The following THAP9 variants were observed in gnomAD, a reference collection of about 807,000 sequenced individuals.
THAP9 encodes DNA transposase THAP9.
In THAP9, 20 loss-of-function variants were observed where a neutral mutation model predicts 35.7. The ratio of observed to expected loss-of-function variants is 0.56; its 90% confidence interval spans 0.39 to 0.81. THAP9 has a LOEUF of 0.81. THAP9 is among the 40% of genes least tolerant of loss of function. THAP9 has a pLI of 0.00. For missense variants in THAP9, 870 were observed against 1,047.4 expected, an observed-to-expected ratio of 0.83 and a Z score of 2.34; for synonymous variants, 335 against 373.7, an observed-to-expected ratio of 0.90 and a Z score of 1.19.
chr4:82,915,732 T>C (rs1370393223), intron 4 of THAP9, among the ~76,000 whole-genome samples: 4 of 152,200 alleles, frequency 2.6e-5, no homozygotes, highest in South Asian at 2.1e-4. Flanking sequence ...AAAATCCATG[T>C]ATATACAAGT....
At chr4:82,916,675 G>A (rs1721042715) in intron 4 of THAP9, among the ~76,000 whole-genome samples, 1 of 152,174 alleles carries the variant, frequency 6.6e-6, no homozygotes, top group African/African-American at 2.4e-5. Flanking sequence ...AGAACAAACT[G>A]GTTAGTTGGT....
Position 82,906,517 on chromosome 4 carries a change from A to G in THAP9, c.470A>G (p.Lys157Arg), listed in dbSNP as rs776516625. The change falls in exon 3 of 5, where the codon AAG becomes AGG. Residue 157 changes from lysine (K) to arginine (R), a missense_variant. Around this residue, in one of 3 missense-constraint regions of THAP9, gnomAD observed 440 missense variants for 501.2 expected, o/e 0.88. Coordinates refer to ENST00000302236, the MANE Select transcript of THAP9 (RefSeq NM_024672.6). Reference sequence around the variant, plus strand: ...TCCAAAAAAAGACTTATCTCCGTAAAGAACTACAGGATGATCAAGAAGAGA... The same window carrying G: ...TCCAAAAAAAGACTTATCTCCGTAAGGAACTACAGGATGATCAAGAAGAGA... ...QVSKKRLISV[K>R]NYRMIKKRKG... The G allele has an allele frequency of 4.3e-6, 7 of 1,613,882 alleles. No homozygotes were observed. The highest frequency in any genetic ancestry group is 5.9e-6 in the Non-Finnish European group (7 of 1,179,806).
intron 1 of THAP9, among the ~76,000 whole-genome samples, chr4:82,902,771 T>C (rs1018457055): frequency 3.9e-5 from 6 of 152,260 alleles, no homozygotes; most frequent in African/African-American, 9.6e-5. Context: ...AATAAAATTA[T>C]AATCCCAGAA....
chr4:82,904,373 C>G (rs1056192628), intron 1 of THAP9, among the ~76,000 whole-genome samples: 3 of 152,086 alleles, frequency 2.0e-5, no homozygotes, highest in African/African-American at 7.2e-5. Flanking sequence ...GGCTTCACTT[C>G]TTAAAAGGAA....
At chr4:82,904,256 G>A (rs1303201945) in intron 1 of THAP9, among the ~76,000 whole-genome samples, 1 of 151,906 alleles carries the variant, frequency 6.6e-6, no homozygotes, top group Non-Finnish European at 1.5e-5. Context: ...GTAGAGACGG[G>A]GTTTCACCAT....
chr4:82,906,217 A>T, intron 2 of THAP9, 107 bp from the exon 3 acceptor site: 1 of 913,680 alleles, frequency 1.1e-6, no homozygotes, highest in African/African-American at 1.7e-5. Flanking sequence ...TTTCCTAACT[A>T]ACTCTCCACA....
intron 4 of THAP9, among the ~76,000 whole-genome samples, chr4:82,916,206 G>A (rs993123747): frequency 1.2e-4 from 18 of 152,184 alleles, no homozygotes; most frequent in Admixed American, 2.6e-4. Context: ...ATTAAATGTG[G>A]CTGTTTTCTT....
rs768693634 is a variant in THAP9, at chr4:82,902,105, C to CTTTTT, written c.80+1239_80+1243dup. Among the ~76,000 whole-genome samples the CTTTTT allele has an allele frequency of 2.8e-3, 296 of 104,400 alleles. 9 individuals are homozygous for CTTTTT. Among genetic ancestry groups the CTTTTT allele is most frequent in the Middle Eastern group, 6.6e-3 (1 of 152 alleles). 68.5% of individuals were successfully genotyped at this position (104,400 alleles called of 152,430 possible). ...TACAATATTTCCCAACATTTTCCTT[C>CTTTTT]TTTTTTTTTTTTTTTTTTTTGGAGA... On this transcript the variant is annotated intron_variant, in intron 1 of 4. Coordinates refer to ENST00000302236, the MANE Select transcript of THAP9 (RefSeq NM_024672.6).
At chr4:82,905,022 C>A in intron 2 of THAP9, 91 bp downstream of exon 2, 7 of 1,186,824 alleles carry the variant, frequency 5.9e-6, no homozygotes, top group South Asian at 3.2e-5. Context: ...AATTTGCAGA[C>A]AAAAAAACCC....
At chr4:82,905,069 A>C (rs1720587867) in intron 2 of THAP9, 138 bp downstream of exon 2, 1 of 651,262 alleles carries the variant, frequency 1.5e-6, no homozygotes, top group Non-Finnish European at 2.5e-6. Context: ...AAATGCTTTG[A>C]AAATTTAAAA....
Position 82,906,504 on chromosome 4 carries a change from C to T in THAP9, c.457C>T (p.Leu153Phe). ...AATGTTACAAGTGTCCAAAAAAAGACTTATCTCCGTAAAGAACTACAGGAT... is the reference window on the plus strand; with the variant it reads ...AATGTTACAAGTGTCCAAAAAAAGATTTATCTCCGTAAAGAACTACAGGAT... ...QQMLQVSKKR[L>F]ISVKNYRMIK... The change falls in exon 3 of 5, where the codon CTT (leucine) becomes TTT (phenylalanine). Residue 153 changes from leucine to phenylalanine, a missense_variant. Leu to Phe is a conservative substitution (Grantham distance 22). Transcript: ENST00000302236. 1.2e-6 allele frequency: 2 copies of T among 1,613,794 alleles called. No homozygotes were observed. Among genetic ancestry groups the T allele is most frequent in the Non-Finnish European group, 1.7e-6 (2 of 1,179,776 alleles).
intron 4 of THAP9, among the ~76,000 whole-genome samples, chr4:82,911,068 T>A (rs1430413578): frequency 6.6e-6 from 1 of 152,028 alleles, no homozygotes; most frequent in Non-Finnish European, 1.5e-5. Flanking sequence ...ATGGCAGATG[T>A]CCCAGCGTGT....
At chr4:82,904,058 C>CTTTTTTTTTTTTT (rs59655406) in intron 1 of THAP9, among the ~76,000 whole-genome samples, 2 of 82,210 alleles carry the variant, frequency 2.4e-5, no homozygotes, top group Non-Finnish European at 4.8e-5. Context: ...TAGGCTCCCC[C>CTTTTTTTTTTTTT]TTTTTTTTTT....
At chr4:82,903,032 C>T (rs1444492410) in intron 1 of THAP9, among the ~76,000 whole-genome samples, 1 of 152,180 alleles carries the variant, frequency 6.6e-6, no homozygotes, top group Non-Finnish European at 1.5e-5. Flanking sequence ...TACCATGCTG[C>T]TATATTTTTG....
chr4:82,914,722 C>T (rs961126783), intron 4 of THAP9, among the ~76,000 whole-genome samples: 1 of 152,156 alleles, frequency 6.6e-6, no homozygotes, highest in Non-Finnish European at 1.5e-5. Context: ...AGGCTTTTGT[C>T]AGATGCACAG....
chr4:82,909,886 G>A (rs1347857282), intron 4 of THAP9: 2 of 151,912 alleles, frequency 1.3e-5, no homozygotes, highest in Non-Finnish European at 2.9e-5. Flanking sequence ...ATATTTTGAT[G>A]CATATATATA....
chr4:82,913,628 T>C (rs535226103), intron 4 of THAP9, among the ~76,000 whole-genome samples: 1 of 152,252 alleles, frequency 6.6e-6, no homozygotes, highest in East Asian at 1.9e-4. Context: ...ATAGGTAAAC[T>C]CCTGTCGTGG....
chr4:82,901,268 A>G, intron 1 of THAP9: 1 of 445,884 alleles, frequency 2.2e-6, no homozygotes, highest in Non-Finnish European at 4.5e-6. Flanking sequence ...TTTCTCCTGT[A>G]CTGCCTGACA....
chr4:82,901,910 G>A (rs1258906695), intron 1 of THAP9, among the ~76,000 whole-genome samples: 5 of 152,036 alleles, frequency 3.3e-5, no homozygotes, highest in Non-Finnish European at 7.4e-5. Context: ...TTGGCTCTGG[G>A]TCTTGGTTTC....
Sources: gnomAD v4.1 joint callset for allele counts (sites outside exome capture counted in the v4.1 genomes callset) on GRCh38, gnomAD v4.1.1 for gene constraint, gnomAD v4.1.1 regional missense constraint, MANE v1.5 for transcripts, NCBI Gene and HGNC (gene_info 2026-07-23, HGNC 2026-07-21) for gene names.